The following DRD2 variants were observed in gnomAD, a reference collection of about 807,000 sequenced individuals.
DRD2 encodes the protein dopamine receptor D2, also known as D(2) dopamine receptor.
DRD2 carries 8 observed loss-of-function variants against 38.0 expected under a neutral mutation model. That is an observed-to-expected ratio of 0.21 (90% CI 0.12 to 0.38). DRD2 has a LOEUF of 0.38. Ranked by LOEUF, DRD2 falls within the 10% of genes least tolerant of loss-of-function variation. The probability of loss-of-function intolerance (pLI) is 1.00; values close to 1 mark genes in which losing one functional copy is unlikely to be tolerated. For synonymous variants in DRD2, 230 were observed against 238.6 expected (o/e 0.96, Z 0.33); for missense variants, 403 against 607.7 (o/e 0.66, Z 3.54).
At chr11:113,425,819 A>G (rs955807796) in intron 1 of DRD2, among the ~76,000 whole-genome samples, 6 of 152,212 alleles carry the variant, frequency 3.9e-5, no homozygotes, top group Non-Finnish European at 5.9e-5. Flanking sequence ...GATGTTCCAG[A>G]CAGACAATAT....
chr11:113,457,111 G>C (rs771114086), intron 1 of DRD2, among the ~76,000 whole-genome samples: 11 of 152,142 alleles, frequency 7.2e-5, no homozygotes, highest in Non-Finnish European at 1.2e-4. Flanking sequence ...CAATGGGAGA[G>C]ACAGATGACA....
chr11:113,433,164 C>A (rs1229952897), intron 1 of DRD2, among the ~76,000 whole-genome samples: 3 of 152,116 alleles, frequency 2.0e-5, no homozygotes, highest in Non-Finnish European at 2.9e-5. Context: ...CAAAGAGGAA[C>A]CTGGAGCAAT....
chr11:113,429,798 C>A (rs1950970317), intron 1 of DRD2, among the ~76,000 whole-genome samples: 1 of 152,206 alleles, frequency 6.6e-6, no homozygotes, highest in Non-Finnish European at 1.5e-5. Flanking sequence ...CCAACTCTAC[C>A]ATTTACTAAC....
At chr11:113,452,280 C>T (rs1373886263) in intron 1 of DRD2, among the ~76,000 whole-genome samples, 1 of 151,970 alleles carries the variant, frequency 6.6e-6, no homozygotes, top group Non-Finnish European at 1.5e-5. Context: ...GCCAAGGGGC[C>T]GGTGGATCCT....
At chr11:113,414,322 G>T in intron 6 of DRD2, 53 bp downstream of exon 6, 1 of 1,552,778 alleles carries the variant, frequency 6.4e-7, no homozygotes, top group Non-Finnish European at 8.9e-7. Flanking sequence ...TGGCCAGTGG[G>T]CTTCCCTAGG....
At chr11:113,412,465 C>T (rs1410818978) in intron 7 of DRD2, 91 bp downstream of exon 7, 6 of 1,510,518 alleles carry the variant, frequency 4.0e-6, no homozygotes, top group Non-Finnish European at 4.5e-6. Context: ...AATGCTAGCC[C>T]CATGATCCTG....
chr11:113,413,035 G>A lies in DRD2; in HGVS notation c.811-152C>T, dbSNP rs1950786051. 4.5e-6 allele frequency: 4 copies of A among 895,190 alleles called. No homozygotes were observed. In the South Asian group the frequency reaches 6.5e-5, roughly 15 times the overall value. 55.5% of individuals were successfully genotyped at this position (895,190 alleles called of 1,614,324 possible). A position where few individuals can be genotyped will look rare whatever the true frequency, so the allele number is the denominator to read the frequency against. On this transcript the variant is annotated intron_variant, in intron 6 of 7. Coordinates refer to ENST00000362072, the MANE Select transcript of DRD2 (RefSeq NM_000795.4). ...GGAGGCAAGGATGTCACTGAGGCAT[G>A]GGACCCAGGACCCATGGCAGCCCCT... is the stretch of plus-strand genomic sequence containing the variant.
chr11:113,430,467 G>A (rs534900319), intron 1 of DRD2, among the ~76,000 whole-genome samples: 1 of 152,274 alleles, frequency 6.6e-6, no homozygotes, highest in East Asian at 1.9e-4. Flanking sequence ...AAAATGGTGG[G>A]GGCAGGGGGA....
chr11:113,455,235 C>T (rs550410724), intron 1 of DRD2, among the ~76,000 whole-genome samples: 41 of 152,030 alleles, frequency 2.7e-4, no homozygotes, highest in Admixed American at 4.6e-4. Context: ...TGGTGGCAGA[C>T]GCCTGTAGTC....
intron 1 of DRD2, among the ~76,000 whole-genome samples, chr11:113,432,338 C>T (rs961425534): frequency 6.6e-6 from 1 of 151,628 alleles, no homozygotes; most frequent in Non-Finnish European, 1.5e-5. Flanking sequence ...CTCCCTCTAT[C>T]CCCACCACCT....
At chr11:113,428,628 A>G (rs1240454236) in intron 1 of DRD2, among the ~76,000 whole-genome samples, 1 of 151,628 alleles carries the variant, frequency 6.6e-6, no homozygotes, top group Non-Finnish European at 1.5e-5. Context: ...ACTGGGATTT[A>G]ATTTTTTTTT....
intron 2 of DRD2, among the ~76,000 whole-genome samples, chr11:113,421,513 A>G (rs891505923): frequency 6.6e-6 from 1 of 152,204 alleles, no homozygotes; most frequent in African/African-American, 2.4e-5. Context: ...GGAATGGCAC[A>G]TGTGGACATC....
rs2120031925 is a variant in DRD2, at chr11:113,475,313, C to G, written c.-269G>C. ...CGCGGCGGGGCGGGGCGGGGCGGGG[C>G]CGGGCGCGGGGCGGGCGGGCAGGAG... is the stretch of plus-strand genomic sequence containing the variant. On this transcript the variant is annotated 5_prime_UTR_variant, in exon 1 of 8. Coordinates refer to ENST00000362072, the MANE Select transcript of DRD2 (RefSeq NM_000795.4). 1 of 147,778 alleles carries G rather than the reference C, an allele frequency of 6.8e-6. No homozygotes were observed. The highest frequency in any genetic ancestry group is 2.4e-5 in the African/African-American group (1 of 40,990). The allele number at this position is 147,778 out of a possible 1,614,324, so 9.2% of individuals were successfully genotyped here.
intron 4 of DRD2, 140 bp downstream of exon 4, chr11:113,416,723 T>G: frequency 7.7e-7 from 1 of 1,305,050 alleles, no homozygotes; most frequent in Non-Finnish European, 1.1e-6. Context: ...ACACGTAGCC[T>G]GGACTCAGTC....
chr11:113,469,446 T>G (rs562744009), intron 1 of DRD2, among the ~76,000 whole-genome samples: 9 of 152,342 alleles, frequency 5.9e-5, no homozygotes, highest in Non-Finnish European at 1.2e-4. Context: ...TTGTTCTTTA[T>G]GCCACTTACG....
intron 1 of DRD2, among the ~76,000 whole-genome samples, chr11:113,430,022 T>C (rs145280203): frequency 6.6e-6 from 1 of 152,284 alleles, no homozygotes; most frequent in East Asian, 1.9e-4. Context: ...CTCAGCAAGA[T>C]GAAGTGACTG....
intron 1 of DRD2, among the ~76,000 whole-genome samples, chr11:113,435,330 T>TGGG (rs57125489): frequency 7.9e-6 from 1 of 127,084 alleles, no homozygotes; most frequent in Non-Finnish European, 1.7e-5. Context: ...TGACTCAGTG[T>TGGG]GGGGGGGGGT....
chr11:113,432,316 CT>C (rs1311747047), intron 1 of DRD2, among the ~76,000 whole-genome samples: 39 of 151,870 alleles, frequency 2.6e-4, no homozygotes, highest in East Asian at 1.9e-3. Context: ...CTCTCTCTCT[CT>C]CTCTCTCTCC....
Position 113,463,829 on chromosome 11 carries a change from G to C in DRD2, c.-32+11247C>G, listed in dbSNP as rs1264280840. ...CTGTATGCTAGAGAAATACAGAAGA[G>C]AGGCCCTTGGCCCAGGTAGGTGAAA... On this transcript the variant is annotated intron_variant, in intron 1 of 7. Coordinates refer to ENST00000362072, the MANE Select transcript of DRD2 (RefSeq NM_000795.4). 4.6e-5 allele frequency among the ~76,000 whole-genome samples: 7 copies of C among 152,204 alleles called. No homozygotes were observed. The East Asian group carries it at 1.3e-3, about 29-fold the overall frequency.
Sources: allele counts gnomAD v4.1 joint callset (sites outside exome capture counted in the v4.1 genomes callset), GRCh38; gene constraint gnomAD v4.1.1; transcripts MANE v1.5; gene names NCBI Gene and HGNC (gene_info 2026-07-23, HGNC 2026-07-21).